The following FTO variants were observed in gnomAD, a reference collection of about 807,000 sequenced individuals.
FTO encodes the protein FTO alpha-ketoglutarate dependent dioxygenase.
FTO carries 47 observed loss-of-function variants against 63.9 expected under a neutral mutation model. That is an observed-to-expected ratio of 0.74 (90% CI 0.58 to 0.94). FTO has a LOEUF of 0.94. Ranked by LOEUF, FTO falls within the 40% of genes least tolerant of loss-of-function variation. The pLI, the probability that FTO is intolerant of heterozygous loss-of-function variation, is 0.00. For missense variants in FTO, 562 were observed against 618.1 expected, an observed-to-expected ratio of 0.91 and a Z score of 0.96; for synonymous variants, 207 against 224.4, an observed-to-expected ratio of 0.92 and a Z score of 0.69.
chr16:53,984,396 C>T (rs115580379), intron 8 of FTO, among the ~76,000 whole-genome samples: 124 of 130,728 alleles, frequency 9.5e-4, no homozygotes, highest in African/African-American at 3.4e-3. Context: ...CATGATGGCT[C>T]ACTGCAGACT....
chr16:53,726,539 T>C (rs559776591), intron 1 of FTO, among the ~76,000 whole-genome samples: 2 of 152,324 alleles, frequency 1.3e-5, no homozygotes, highest in South Asian at 4.1e-4. Flanking sequence ...GAGTTATGCT[T>C]AACGGTATAC....
intron 4 of FTO, among the ~76,000 whole-genome samples, chr16:53,861,949 TC>T (rs1159070968): frequency 1.3e-5 from 2 of 152,116 alleles, no homozygotes; most frequent in African/African-American, 4.8e-5. Context: ...GTATCAAACT[TC>T]CCCCTTAAAA....
intron 3 of FTO, among the ~76,000 whole-genome samples, chr16:53,841,733 C>A (rs1282378244): frequency 6.6e-6 from 1 of 152,158 alleles, no homozygotes; most frequent in East Asian, 1.9e-4. Flanking sequence ...ATCTGGGATG[C>A]ATGTATTTTT....
At chr16:54,092,313 G>A (rs945303123) in intron 8 of FTO, among the ~76,000 whole-genome samples, 3 of 152,068 alleles carry the variant, frequency 2.0e-5, no homozygotes, top group Admixed American at 6.6e-5. Context: ...GAGGAAAAGG[G>A]AAAATTTGCA....
At position 54,075,980 on chromosome 16, in the gene FTO, G is replaced by T. The variant is rs77001549; in HGVS notation, c.1365-35782G>T. 2.2e-3 allele frequency among the ~76,000 whole-genome samples: 334 copies of T among 152,148 alleles called. 2 individuals carry two copies. The highest frequency in any genetic ancestry group is 7.3e-3 in the African/African-American group (302 of 41,486). ...ATCTGTCACTAGAATATGCGAGGCC[G>T]GATTCCCCATCTTCCCCTAGCTCAG... On this transcript the variant is annotated intron_variant, in intron 8 of 8. Coordinates refer to ENST00000471389, the MANE Select transcript of FTO (RefSeq NM_001080432.3).
At chr16:54,038,277 C>T (rs1327618353) in intron 8 of FTO, among the ~76,000 whole-genome samples, 1 of 152,176 alleles carries the variant, frequency 6.6e-6, no homozygotes, top group Non-Finnish European at 1.5e-5. Flanking sequence ...TAACCTGACC[C>T]TTGTGGGCTT....
At chr16:53,854,764 G>C (rs1156518675) in intron 4 of FTO, among the ~76,000 whole-genome samples, 1 of 151,934 alleles carries the variant, frequency 6.6e-6, no homozygotes, top group Non-Finnish European at 1.5e-5. Context: ...GGCTATTCAG[G>C]CTCTTTTTTG....
intron 1 of FTO, among the ~76,000 whole-genome samples, chr16:53,762,224 G>A (rs901956326): frequency 3.3e-5 from 5 of 152,082 alleles, no homozygotes; most frequent in Admixed American, 3.3e-4. Context: ...TTCAGCTCTT[G>A]CCTTTCAGCA....
At chr16:54,077,737 A>AG (rs1447305046) in intron 8 of FTO, among the ~76,000 whole-genome samples, 2 of 152,112 alleles carry the variant, frequency 1.3e-5, no homozygotes, top group East Asian at 1.9e-4. Flanking sequence ...ATCAGATGGC[A>AG]GGGGGGCAGG....
chr16:53,942,790 C>T (rs1034889632), intron 8 of FTO, among the ~76,000 whole-genome samples: 1 of 152,196 alleles, frequency 6.6e-6, no homozygotes, highest in East Asian at 1.9e-4. Flanking sequence ...CTGAGACAAC[C>T]TGTGATTGTG....
At chr16:53,988,362 A>G (rs939634096) in intron 8 of FTO, among the ~76,000 whole-genome samples, 2 of 152,304 alleles carry the variant, frequency 1.3e-5, no homozygotes, top group East Asian at 3.9e-4. Context: ...AGGAGGAGCC[A>G]GCTTTATTTT....
chr16:54,049,097 C>T (rs1266890480), intron 8 of FTO, among the ~76,000 whole-genome samples: 1 of 152,038 alleles, frequency 6.6e-6, no homozygotes, highest in South Asian at 2.1e-4. Flanking sequence ...AAATTAAGAT[C>T]CAAACCGTAA....
intron 1 of FTO, among the ~76,000 whole-genome samples, chr16:53,726,411 C>T (rs185143957): frequency 4.6e-4 from 70 of 152,260 alleles, no homozygotes; most frequent in African/African-American, 1.7e-3. Flanking sequence ...TAGAAACTCC[C>T]TAAAGAAGAA....
intron 8 of FTO, among the ~76,000 whole-genome samples, chr16:54,089,670 G>A (rs2086332247): frequency 6.6e-6 from 1 of 152,104 alleles, no homozygotes; most frequent in Non-Finnish European, 1.5e-5. Flanking sequence ...TATGTAAAGA[G>A]TGCCTAAAAC....
intron 7 of FTO, among the ~76,000 whole-genome samples, chr16:53,920,001 A>G (rs977034676): frequency 1.3e-5 from 2 of 152,182 alleles, no homozygotes; most frequent in Non-Finnish European, 2.9e-5. Flanking sequence ...TAATTTTAAA[A>G]AGACTAAATG....
At chr16:54,001,532 C>T (rs1445692361) in intron 8 of FTO, among the ~76,000 whole-genome samples, 1 of 152,164 alleles carries the variant, frequency 6.6e-6, no homozygotes. Context: ...ATTACACATA[C>T]TGAAAGTGAT....
intron 8 of FTO, among the ~76,000 whole-genome samples, chr16:54,065,943 T>C (rs1384159304): frequency 6.6e-6 from 1 of 152,230 alleles, no homozygotes; most frequent in Non-Finnish European, 1.5e-5. Context: ...GGAGGACACC[T>C]GGTAACTAAC....
chr16:53,783,023 T>C (rs907316240), intron 1 of FTO, among the ~76,000 whole-genome samples: 15 of 152,148 alleles, frequency 9.9e-5, no homozygotes, highest in African/African-American at 3.6e-4. Flanking sequence ...GAAATCTTTA[T>C]CAGTAATTTA....
At chr16:54,106,817 CTTA>C (rs541198531) in intron 8 of FTO, among the ~76,000 whole-genome samples, 220 of 133,040 alleles carry the variant, frequency 1.7e-3, no homozygotes, top group Admixed American at 8.0e-3. Context: ...ATTATATATA[CTTA>C]TTATATATAA....
Sources: gnomAD v4.1 joint callset for allele counts (sites outside exome capture counted in the v4.1 genomes callset) on GRCh38, gnomAD v4.1.1 for gene constraint, MANE v1.5 for transcripts, NCBI Gene and HGNC (gene_info 2026-07-23, HGNC 2026-07-21) for gene names.